The following ANOS1 variants were observed in gnomAD, a reference collection of about 807,000 sequenced individuals.
ANOS1 encodes the protein anosmin-1.
Under a neutral mutation model 59.0 loss-of-function variants are expected in ANOS1, and 6 were observed. The ratio of observed to expected loss-of-function variants is 0.10; its 90% CI spans 0.06 to 0.20. The LOEUF (loss-of-function observed/expected upper bound fraction) is 0.20, where lower values mean the gene tolerates loss of function less well. Among genes scored for constraint, ANOS1 ranks in the 10% least tolerant of loss-of-function variants. The pLI, the probability that ANOS1 is intolerant of heterozygous loss-of-function variation, is 1.00. For synonymous variants in ANOS1, 217 were observed against 223.4 expected (o/e 0.97, Z 0.25); for missense variants, 433 against 542.3 (o/e 0.80, Z 2.00).
intron 2 of ANOS1, among the ~76,000 whole-genome samples, chrX:8,641,015 T>C (rs1931655220): frequency 8.9e-6 from 1 of 112,046 alleles, no homozygotes; most frequent in Admixed American, 9.5e-5. Flanking sequence ...GAATAGATAC[T>C]TACTTCCTCA....
intron 2 of ANOS1, among the ~76,000 whole-genome samples, chrX:8,667,507 G>A (rs1348525424): frequency 3.6e-5 from 4 of 111,200 alleles, no homozygotes; most frequent in Non-Finnish European, 5.6e-5. Context: ...AAAAACAGAG[G>A]AAACCATCTC....
chrX:8,604,879 T>C (rs1471391109), intron 3 of ANOS1, among the ~76,000 whole-genome samples: 2 of 112,849 alleles, frequency 1.8e-5, no homozygotes, highest in Non-Finnish European at 3.7e-5. Context: ...ATCAAAAAAA[T>C]AGCACATGCT....
At chrX:8,700,982 C>T (rs1236732765) in intron 1 of ANOS1, among the ~76,000 whole-genome samples, 1 of 111,763 alleles carries the variant, frequency 8.9e-6, no homozygotes, top group African/African-American at 3.3e-5. Flanking sequence ...GCACTCCAGC[C>T]TGGGCAACAA....
intron 3 of ANOS1, among the ~76,000 whole-genome samples, chrX:8,598,722 A>G (rs1308658738): frequency 8.9e-6 from 1 of 112,296 alleles, no homozygotes; most frequent in Non-Finnish European, 1.9e-5. Flanking sequence ...TATTCCATTA[A>G]AGACACATGA....
At chrX:8,668,830 T>C (rs1420924797) in intron 2 of ANOS1, among the ~76,000 whole-genome samples, 1 of 110,875 alleles carries the variant, frequency 9.0e-6, no homozygotes. Context: ...CCATTAACCT[T>C]CCACTGTTCT....
At chrX:8,588,036 G>A in intron 4 of ANOS1, 58 bp from the exon 5 acceptor site, 1 of 1,015,836 alleles carries the variant, frequency 9.8e-7, no homozygotes, top group Non-Finnish European at 1.4e-6. Context: ...TGAAGTAAAA[G>A]TTGAGGAAGA....
chrX:8,586,945 A>C (rs1930522804), intron 5 of ANOS1, among the ~76,000 whole-genome samples: 1 of 101,825 alleles, frequency 9.8e-6, no homozygotes, highest in African/African-American at 4.0e-5. Flanking sequence ...CATTTATTTT[A>C]CATTTACTGA....
chrX:8,722,117 G>A (rs1231149327), intron 1 of ANOS1, among the ~76,000 whole-genome samples: 2 of 112,309 alleles, frequency 1.8e-5, no homozygotes, highest in African/African-American at 3.2e-5. Context: ...AGTTCCTCAT[G>A]TACAGAGGTT....
intron 2 of ANOS1, among the ~76,000 whole-genome samples, chrX:8,624,942 T>C (rs763495969): frequency 9.1e-6 from 1 of 109,421 alleles, no homozygotes; most frequent in African/African-American, 3.3e-5. Context: ...ACCCCGTCTC[T>C]ACCAAAAAAT....
chrX:8,568,176 T>C, intron 8 of ANOS1, 56 bp downstream of exon 8: 5 of 1,152,273 alleles, frequency 4.3e-6, no homozygotes, highest in Non-Finnish European at 5.9e-6. Flanking sequence ...TGCCTTGTTG[T>C]GATATGGCGC....
At chrX:8,679,589 A>T (rs1244930322) in intron 2 of ANOS1, among the ~76,000 whole-genome samples, 1 of 110,153 alleles carries the variant, frequency 9.1e-6, no homozygotes, top group Non-Finnish European at 1.9e-5. Context: ...TTATTTCTAC[A>T]GTCAAATTCA....
intron 2 of ANOS1, among the ~76,000 whole-genome samples, chrX:8,643,778 T>C (rs959968935): frequency 3.6e-5 from 4 of 111,779 alleles, no homozygotes; most frequent in African/African-American, 9.8e-5. Context: ...AAAAGAACTT[T>C]GGTCTCCTCA....
intron 3 of ANOS1, among the ~76,000 whole-genome samples, chrX:8,604,693 C>T (rs1022455784): frequency 3.6e-5 from 4 of 111,824 alleles, no homozygotes; most frequent in African/African-American, 1.3e-4. Context: ...TAAAGTACTC[C>T]AAACTATAAT....
intron 2 of ANOS1, among the ~76,000 whole-genome samples, chrX:8,632,915 C>G (rs770482743): frequency 5.4e-5 from 6 of 111,252 alleles, no homozygotes; most frequent in Non-Finnish European, 1.1e-4. Flanking sequence ...TGTGGACCTG[C>G]TTTTTAGATG....
chrX:8,722,658 T>A (rs1932883751), intron 1 of ANOS1, among the ~76,000 whole-genome samples: 1 of 111,824 alleles, frequency 8.9e-6, no homozygotes, highest in African/African-American at 3.3e-5. Flanking sequence ...TTTGGGCTGG[T>A]TCCACATTTT....
intron 3 of ANOS1, among the ~76,000 whole-genome samples, chrX:8,610,033 A>AAACAACAAC (rs1232364586): frequency 6.0e-5 from 5 of 82,706 alleles, no homozygotes; most frequent in African/African-American, 9.8e-5. Context: ...AAAAAAAAAA[A>AAACAACAAC]AACAACAACC....
chrX:8,619,392 T>TCTC (rs1367427498), intron 3 of ANOS1, among the ~76,000 whole-genome samples: 1 of 111,267 alleles, frequency 9.0e-6, no homozygotes, highest in East Asian at 2.8e-4. Context: ...GATCACAAGG[T>TCTC]CAGGAGATGG....
At position 8,530,200 on chromosome X, in the gene ANOS1, A is replaced by G. The variant is rs1358545900; in HGVS notation, c.*2795T>C. The G allele has an allele frequency of 8.9e-6, 1 of 112,063 alleles. No homozygotes were observed. The allele number at this position is 112,063 out of a possible 1,213,427, so 9.2% of individuals were successfully genotyped here. ...TCATTAAGGAGCAAATGTTGTAAATAAAAATAATGCATGTAACTGCAATGT... is the reference window on the plus strand; with the variant it reads ...TCATTAAGGAGCAAATGTTGTAAATGAAAATAATGCATGTAACTGCAATGT... On this transcript the variant is annotated 3_prime_UTR_variant, in exon 14 of 14. Transcript: ENST00000262648.
At chrX:8,598,199 C>T (rs965327140) in intron 3 of ANOS1, among the ~76,000 whole-genome samples, 5 of 111,958 alleles carry the variant, frequency 4.5e-5, no homozygotes, top group African/African-American at 1.6e-4. Flanking sequence ...CCTATGTTAT[C>T]TGTGACACAG....
Sources: gnomAD v4.1 joint callset for allele counts (sites outside exome capture counted in the v4.1 genomes callset) on GRCh38, gnomAD v4.1.1 for gene constraint, MANE v1.5 for transcripts, NCBI Gene and HGNC (gene_info 2026-07-23, HGNC 2026-07-21) for gene names.